DERA: variants seen among roughly 807,000 people sequenced by gnomAD.
DERA encodes deoxyribose-phosphate aldolase, also known as 2-deoxy-D-ribose 5-phosphate aldolase.
A neutral mutation model predicts 41.1 loss-of-function variants in DERA; 15 were observed. The observed-to-expected ratio is 0.37, with a 90% CI of 0.24 to 0.56. The LOEUF (loss-of-function observed/expected upper bound fraction) is 0.56. DERA is among the 20% of genes least tolerant of loss of function. The pLI, the probability that DERA is intolerant of heterozygous loss-of-function variation, is 0.81. For missense variants in DERA, 396 were observed against 403.4 expected, an observed-to-expected ratio of 0.98 and a Z score of 0.16; for synonymous variants, 139 against 137.4, an observed-to-expected ratio of 1.01 and a Z score of -0.08.
At chr12:15,917,170 T>C (rs748115408) in intron 1 of DERA, among the ~76,000 whole-genome samples, 5 of 152,138 alleles carry the variant, frequency 3.3e-5, no homozygotes, top group African/African-American at 4.8e-5. Flanking sequence ...CTTTAAATTT[T>C]GCCTTTAAGT....
At chr12:16,025,317 T>G (rs896019576) in intron 6 of DERA, among the ~76,000 whole-genome samples, 1 of 152,142 alleles carries the variant, frequency 6.6e-6, no homozygotes, top group Non-Finnish European at 1.5e-5. Context: ...AAAGCCACTT[T>G]AAATGTGAAG....
Position 15,965,619 on chromosome 12 carries a change from T to G in DERA, c.508+2672T>G, listed in dbSNP as rs185754104. Among the ~76,000 whole-genome samples the G allele has an allele frequency of 6.6e-6, 1 of 152,238 alleles. No homozygotes were observed. The highest frequency in any genetic ancestry group is 6.5e-5 in the Admixed American group (1 of 15,292). On this transcript the variant is annotated intron_variant, in intron 5 of 8. Transcript: ENST00000428559. The surrounding 1 kb of genome is among the most constrained non-coding windows in gnomAD (Gnocchi z 4.1). ...GGTATGAATTCGAGGAGACTGGAGT[T>G]TGGGGGTGGGGGAGGTTTGATATTC...
At chr12:16,028,082 A>T (rs1037215922) in intron 6 of DERA, among the ~76,000 whole-genome samples, 5 of 152,352 alleles carry the variant, frequency 3.3e-5, no homozygotes, top group Non-Finnish European at 4.4e-5. Context: ...AAGCAAGAAC[A>T]CTAGAGCAGC....
intron 6 of DERA, among the ~76,000 whole-genome samples, chr12:16,018,393 A>G (rs1442264967): frequency 2.6e-5 from 4 of 152,204 alleles, no homozygotes; most frequent in Non-Finnish European, 5.9e-5. Flanking sequence ...GACTCCCTGT[A>G]ACGAATCATG....
intron 1 of DERA, among the ~76,000 whole-genome samples, chr12:15,923,344 A>C (rs890492022): frequency 1.3e-5 from 2 of 152,196 alleles, no homozygotes; most frequent in Non-Finnish European, 2.9e-5. Context: ...TAAAAAACAG[A>C]CACAGATTTC....
In DERA at chr12:16,036,271, G is replaced by A. The variant is rs544360629; in HGVS notation, c.790G>A (p.Asp264Asn). The change falls in exon 8 of 9, where the codon GAT becomes AAT. Residue 264 changes from aspartate to asparagine, a missense_variant. Transcript: ENST00000428559. This position sits in a 1 kb window ranked among gnomAD's most constrained non-coding sequence, Gnocchi z 4.9. ...AGCAGGAGGCATCCGCAGTGCAAAG[G>A]ATTCCCTTGCTTGGCTCTCTCTTGT... ...KPAGGIRSAK[D>N]SLAWLSLVKE... is the part of the protein sequence containing the mutation. 1.2e-6 allele frequency: 2 copies of A among 1,613,612 alleles called. No individual in the cohort carries two copies. Among genetic ancestry groups the A allele is most frequent in the South Asian group, 2.2e-5 (2 of 91,026 alleles).
At chr12:16,031,734 G>C (rs1010510051) in intron 6 of DERA, among the ~76,000 whole-genome samples, 1 of 152,126 alleles carries the variant, frequency 6.6e-6, no homozygotes, top group East Asian at 1.9e-4. Context: ...TCCATTTACT[G>C]TGTGATCTCA....
rs997020287 is a variant in DERA at position 15,976,475 on chromosome 12, G to A, written c.509-5833G>A. On this transcript the variant is annotated intron_variant, in intron 5 of 8. Transcript: ENST00000428559. The surrounding 1 kb of genome is among the most constrained non-coding windows in gnomAD (Gnocchi z 4.1). ...GCCAAGAATTTCTCTAGGCCCCAGT[G>A]ACATGGGGGCTAGGTTTCTCTCCAC... 2.0e-5 allele frequency among the ~76,000 whole-genome samples: 3 copies of A among 152,152 alleles called. No homozygotes were observed. Among genetic ancestry groups the A allele is most frequent in the African/African-American group, 7.2e-5 (3 of 41,442 alleles).
At position 15,959,806 on chromosome 12, in the gene DERA, CTATTCCTATTTTTTCTTGAT is replaced by C; in HGVS notation, c.278-22_278-3del. On this transcript the variant is annotated splice_polypyrimidine_tract_variant and splice_region_variant and intron_variant, in intron 3 of 8. Transcript: ENST00000428559. This position sits in a 1 kb window ranked among gnomAD's most constrained non-coding sequence, Gnocchi z 4.5. ...TGAGTTGAACTTCATTGAAAGTTGG[CTATTCCTATTTTTTCTTGAT>C]AGGCATTACTACAGCCGCCGTTTGT... The C allele has an allele frequency of 6.6e-7, 1 of 1,504,506 alleles. No homozygotes were observed. The highest frequency in any genetic ancestry group is 2.5e-5 in the East Asian group (1 of 40,422). The allele number at this position is 1,504,506 out of a possible 1,614,324, so 93.2% of individuals were successfully genotyped here. A position where few individuals can be genotyped will look rare whatever the true frequency, so the allele number is the denominator to read the frequency against.
In DERA at chr12:16,014,211, A is replaced by G. The variant is rs1167726651; in HGVS notation, c.638-18331A>G. Among the ~76,000 whole-genome samples the G allele has an allele frequency of 6.6e-6, 1 of 152,216 alleles. No individual in the cohort carries two copies. Among genetic ancestry groups the G allele is most frequent in the African/African-American group, 2.4e-5 (1 of 41,448 alleles). On this transcript the variant is annotated intron_variant, in intron 6 of 8. Transcript: ENST00000428559. The surrounding 1 kb of genome is among the most constrained non-coding windows in gnomAD (Gnocchi z 5.4). Reference sequence around the variant, plus strand: ...ATTCAAGCCAGATGCAGAAATTTGCATAAGTAACGAGGAGCCAAATGTTAA... The same window carrying G: ...ATTCAAGCCAGATGCAGAAATTTGCGTAAGTAACGAGGAGCCAAATGTTAA...
intron 1 of DERA, among the ~76,000 whole-genome samples, chr12:15,930,939 A>G (rs1258856919): frequency 6.6e-6 from 1 of 152,172 alleles, no homozygotes; most frequent in Non-Finnish European, 1.5e-5. Flanking sequence ...CTGTGGTAAT[A>G]GGGCAGTAAG....
rs954113944 is a variant in DERA, at chr12:15,984,635, GTCT to G, written c.637+2203_637+2205del. On this transcript the variant is annotated intron_variant, in intron 6 of 8. Coordinates refer to ENST00000428559, the MANE Select transcript of DERA (RefSeq NM_015954.4). The surrounding 1 kb of genome is among the most constrained non-coding windows in gnomAD (Gnocchi z 4.5). ...CCTGTATCACTATTTGAACACTCTG[GTCT>G]TCTGGCTCCAGATTTATTGCTTTTT... 4.1e-4 allele frequency among the ~76,000 whole-genome samples: 62 copies of G among 151,970 alleles called. No homozygotes were observed. Among genetic ancestry groups the G allele is most frequent in the Non-Finnish European group, 6.3e-4 (43 of 68,004 alleles).
Position 15,985,853 on chromosome 12 carries a change from G to C in DERA, c.637+3417G>C, listed in dbSNP as rs7310946. On this transcript the variant is annotated intron_variant, in intron 6 of 8. Transcript: ENST00000428559. This position sits in a 1 kb window ranked among gnomAD's most constrained non-coding sequence, Gnocchi z 4.2. Reference sequence around the variant, plus strand: ...AAAAGAATGTGTATTTCAGATGTTAGAGCAAATGTCAGATCGAATTGGTTG... The same window carrying C: ...AAAAGAATGTGTATTTCAGATGTTACAGCAAATGTCAGATCGAATTGGTTG... 0.53 allele frequency among the ~76,000 whole-genome samples: 80,224 copies of C among 151,992 alleles called. 21,734 individuals carry two copies. The highest frequency in any genetic ancestry group is 0.58 in the Non-Finnish European group (39,273 of 67,936).
chr12:15,933,547 G>A (rs1017198054), intron 1 of DERA, among the ~76,000 whole-genome samples: 5 of 151,942 alleles, frequency 3.3e-5, no homozygotes, highest in African/African-American at 7.3e-5. Context: ...TGATCAAATC[G>A]ATGACTGTGA....
rs1948747203 is a variant in DERA, at chr12:15,983,788, C to T, written c.637+1352C>T. ...TGGAACTCTACTGAAAATCAGCCTA[C>T]TAGTCAGCAATGGTGCTGTTGCTCT... On this transcript the variant is annotated intron_variant, in intron 6 of 8. Coordinates refer to ENST00000428559, the MANE Select transcript of DERA (RefSeq NM_015954.4). The surrounding 1 kb of genome is among the most constrained non-coding windows in gnomAD (Gnocchi z 6.2). Among the ~76,000 whole-genome samples, 1 of 152,182 alleles carries T rather than the reference C, an allele frequency of 6.6e-6. No individual in the cohort carries two copies. The highest frequency in any genetic ancestry group is 1.5e-5 in the Non-Finnish European group (1 of 68,038).
Position 15,936,739 on chromosome 12 carries a change from T to G in DERA, c.32-20197T>G, listed in dbSNP as rs546761770. Among the ~76,000 whole-genome samples the G allele has an allele frequency of 6.6e-6, 1 of 152,362 alleles. No homozygotes were observed. Among genetic ancestry groups the G allele is most frequent in the South Asian group, 2.1e-4 (1 of 4,832 alleles). ...TCTTCCTTTAGAGCAGAACTCCCTTTTTAGTATCATTATACTGGGTTATGT... is the reference window on the plus strand; with the variant it reads ...TCTTCCTTTAGAGCAGAACTCCCTTGTTAGTATCATTATACTGGGTTATGT... On this transcript the variant is annotated intron_variant, in intron 1 of 8. Transcript: ENST00000428559. The surrounding 1 kb of genome is among the most constrained non-coding windows in gnomAD (Gnocchi z 4.6).
intron 1 of DERA, among the ~76,000 whole-genome samples, chr12:15,933,661 CGTT>C (rs1948345355): frequency 1.3e-5 from 2 of 152,166 alleles, no homozygotes; most frequent in South Asian, 2.1e-4. Flanking sequence ...TAACTTTTAC[CGTT>C]GTTACTGTTT....
chr12:15,925,002 T>C (rs940009145), intron 1 of DERA, among the ~76,000 whole-genome samples: 2 of 152,242 alleles, frequency 1.3e-5, no homozygotes, highest in Non-Finnish European at 2.9e-5. Context: ...GTTTGTTGAA[T>C]GAATAAGGAA....
In DERA at chr12:15,944,299, G is replaced by A. The variant is rs559196733; in HGVS notation, c.32-12637G>A. On this transcript the variant is annotated intron_variant, in intron 1 of 8. Coordinates refer to ENST00000428559, the MANE Select transcript of DERA (RefSeq NM_015954.4). ...TCTAGTTCTAGATCCTTGAGGAGTC[G>A]CCACACTGTCTTCCACAATGGTTGA... Among the ~76,000 whole-genome samples, 16 of 152,214 alleles carry A rather than the reference G, an allele frequency of 1.1e-4. No homozygotes were observed. In the East Asian group the frequency reaches 1.2e-3, roughly 11 times the overall value.
Sources: gnomAD v4.1 joint callset for allele counts (sites outside exome capture counted in the v4.1 genomes callset) on GRCh38, gnomAD v4.1.1 for gene constraint, Gnocchi (gnomAD v3.1) non-coding constraint, MANE v1.5 for transcripts, NCBI Gene and HGNC (gene_info 2026-07-23, HGNC 2026-07-21) for gene names.